ZNF346: variants seen among roughly 807,000 people sequenced by gnomAD.
The protein encoded by ZNF346 is double-stranded RNA-binding zinc finger protein JAZ.
In ZNF346, 23 loss-of-function variants were observed where a neutral mutation model predicts 33.7. The observed-to-expected ratio is 0.68, with a 90% confidence interval of 0.49 to 0.97. The LOEUF (loss-of-function observed/expected upper bound fraction) is 0.97. ZNF346 is among the 50% of genes least tolerant of loss of function. The probability of loss-of-function intolerance (pLI) is 0.00; values close to 1 mark genes in which losing one functional copy is unlikely to be tolerated. For synonymous variants in ZNF346, 134 were observed against 142.4 expected, an observed-to-expected ratio of 0.94 and a Z score of 0.42; for missense variants, 340 against 371.1, an observed-to-expected ratio of 0.92 and a Z score of 0.69.
At chr5:177,061,295 A>T (rs995211997) in intron 5 of ZNF346, among the ~76,000 whole-genome samples, 1 of 151,556 alleles carries the variant, frequency 6.6e-6, no homozygotes, top group Non-Finnish European at 1.5e-5. Context: ...AAATACAAAA[A>T]TTAGCTGGGT....
At chr5:177,041,717 G>A (rs1779358816) in intron 2 of ZNF346, 61 bp from the exon 3 acceptor site, 3 of 1,073,830 alleles carry the variant, frequency 2.8e-6, no homozygotes, top group South Asian at 2.7e-5. Context: ...AAGTGTTTTT[G>A]AGTGCCTTAA....
At chr5:177,060,804 A>G (rs1257713194) in intron 5 of ZNF346, among the ~76,000 whole-genome samples, 2 of 144,880 alleles carry the variant, frequency 1.4e-5, no homozygotes, top group South Asian at 2.2e-4. Context: ...GCAAAACTCC[A>G]TCTCTAAATA....
intron 5 of ZNF346, among the ~76,000 whole-genome samples, chr5:177,056,478 C>T (rs764923684): frequency 2.0e-5 from 3 of 152,064 alleles, no homozygotes; most frequent in Non-Finnish European, 2.9e-5. Flanking sequence ...ATGTTTATTG[C>T]GGCACTATTC....
At chr5:177,026,799 T>G (rs1776846318) in intron 1 of ZNF346, among the ~76,000 whole-genome samples, 1 of 152,224 alleles carries the variant, frequency 6.6e-6, no homozygotes, top group South Asian at 2.1e-4. Context: ...TCATACAAAG[T>G]TGTTTATCAA....
chr5:177,047,030 TTTTATTTATTTA>T (rs140329566), intron 4 of ZNF346, among the ~76,000 whole-genome samples: 19 of 147,868 alleles, frequency 1.3e-4, no homozygotes, highest in Admixed American at 2.0e-4. Context: ...TTTTATTTAT[TTTTATTTATTTA>T]TTTATTTATT....
At chr5:177,023,231 C>T (rs1480177235) in intron 1 of ZNF346, 9 of 1,535,404 alleles carry the variant, frequency 5.9e-6, no homozygotes, top group Non-Finnish European at 7.9e-6. Context: ...TCTTTGCCAT[C>T]CCGGTAAGCC....
At chr5:177,057,679 G>A (rs1781882963) in intron 5 of ZNF346, among the ~76,000 whole-genome samples, 1 of 151,476 alleles carries the variant, frequency 6.6e-6, no homozygotes, top group Admixed American at 6.6e-5. Context: ...CGGAGATTGT[G>A]GTGAGCCAAG....
chr5:177,049,929 T>C (rs1046357845), intron 4 of ZNF346, among the ~76,000 whole-genome samples: 3 of 152,062 alleles, frequency 2.0e-5, no homozygotes, highest in Non-Finnish European at 2.9e-5. Flanking sequence ...CTCCGCCTCC[T>C]GGGTTGAAGT....
intron 8 of ZNF346, among the ~76,000 whole-genome samples, chr5:177,078,073 G>A (rs1436251315): frequency 2.6e-5 from 4 of 152,106 alleles, no homozygotes; most frequent in Non-Finnish European, 1.5e-5. Context: ...CTTGAACCCG[G>A]GAGGTGGAGG....
At position 177,064,567 on chromosome 5, in the gene ZNF346, A is replaced by C; in HGVS notation, c.853A>C (p.Ile285Leu). 6.2e-7 allele frequency: 1 copy of C among 1,614,220 alleles called. No homozygotes were observed. Among genetic ancestry groups the C allele is most frequent in the Non-Finnish European group, 8.5e-7 (1 of 1,180,024 alleles). Residue 285 changes from isoleucine to leucine, a missense_variant, in exon 7 of 7, where the codon ATT becomes CTT. Ile to Leu is a conservative substitution (Grantham distance 5). Transcript: ENST00000358149. The stretch of plus-strand genomic sequence containing the variant: ...CCAGATTCCAATGCAAAGGCAACCC[A>C]TTCAGAAAGACTCAACCACCTTGGA... ...LGQIPMQRQP[I>L]QKDSTTLED
chr5:177,066,321 A>G lies in ZNF346; in HGVS notation c.*1722A>G, dbSNP rs146915315. ...GGGCAGGAAAGGAGACAAGGAGGCC[A>G]GTATGGACACTGTGTCCAGTATGGC... On this transcript the variant is annotated 3_prime_UTR_variant, in exon 7 of 7. Transcript: ENST00000358149. Among the ~76,000 whole-genome samples the G allele has an allele frequency of 3.3e-5, 5 of 152,142 alleles. No homozygotes were observed. Among genetic ancestry groups the G allele is most frequent in the Non-Finnish European group, 7.4e-5 (5 of 68,000 alleles).
intron 4 of ZNF346, among the ~76,000 whole-genome samples, chr5:177,048,832 G>A (rs1422746450): frequency 2.1e-5 from 3 of 145,638 alleles, no homozygotes. Flanking sequence ...TTCGCTCAGA[G>A]TGGAGTGCAA....
intron 5 of ZNF346, among the ~76,000 whole-genome samples, chr5:177,052,216 G>A (rs1781037028): frequency 6.6e-6 from 1 of 150,804 alleles, no homozygotes; most frequent in East Asian, 1.9e-4. Context: ...CTCCCAGGCT[G>A]GAGTACAATG....
At chr5:177,025,023 G>A (rs1776560252) in intron 1 of ZNF346, among the ~76,000 whole-genome samples, 1 of 152,182 alleles carries the variant, frequency 6.6e-6, no homozygotes, top group South Asian at 2.1e-4. Flanking sequence ...GTGATTGTTA[G>A]CCAGTGTACA....
chr5:177,029,195 T>A (rs1777320018), intron 1 of ZNF346, among the ~76,000 whole-genome samples: 1 of 152,154 alleles, frequency 6.6e-6, no homozygotes, highest in Non-Finnish European at 1.5e-5. Flanking sequence ...AAGGTTGAAT[T>A]GATCACCGAT....
rs536737564 is a variant in ZNF346 at position 177,025,517 on chromosome 5, C to T, written c.175+2604C>T. ...GCTTCACCTTTTATATTTCTGCCAT[C>T]AGTGTATGAGGGTTTCGCTTTTTCT... On this transcript the variant is annotated intron_variant, in intron 1 of 6. Coordinates refer to ENST00000358149, the MANE Select transcript of ZNF346 (RefSeq NM_012279.4). Among the ~76,000 whole-genome samples the T allele has an allele frequency of 9.8e-5, 15 of 152,290 alleles. No homozygotes were observed. In the East Asian group the frequency reaches 1.9e-3, roughly 20 times the overall value.
At chr5:177,072,825 GGA>G (rs10569731), downstream of ZNF346, among the ~76,000 whole-genome samples, 19,611 of 152,220 alleles carry the variant, frequency 0.13, 2,949 homozygotes, top group African/African-American at 0.36. Context: ...CTCCAGATAA[GGA>G]GAGACTCATT....
downstream of ZNF346, among the ~76,000 whole-genome samples, chr5:177,072,500 A>G (rs747516183): frequency 2.6e-5 from 4 of 152,294 alleles, no homozygotes; most frequent in Non-Finnish European, 5.9e-5. Context: ...AATCACAGTC[A>G]TAGTCTTCAG....
intron 4 of ZNF346, among the ~76,000 whole-genome samples, chr5:177,047,204 G>A (rs1438173224): frequency 5.9e-5 from 9 of 151,458 alleles, no homozygotes; most frequent in South Asian, 2.1e-4. Context: ...GCGTGCCACC[G>A]CGCCTGGCCA....
Sources: gnomAD v4.1 joint callset for allele counts (sites outside exome capture counted in the v4.1 genomes callset) on GRCh38, gnomAD v4.1.1 for gene constraint, MANE v1.5 for transcripts, NCBI Gene and HGNC (gene_info 2026-07-23, HGNC 2026-07-21) for gene names.